The following PLCL2 variants were observed in gnomAD, a reference collection of about 807,000 sequenced individuals.
The protein encoded by PLCL2 is phospholipase C like 2, also known as inactive phospholipase C-like protein 2.
PLCL2 carries 4 observed loss-of-function variants against 79.6 expected under a neutral mutation model. That is an observed-to-expected ratio of 0.05 (90% CI 0.02 to 0.11). The LOEUF (loss-of-function observed/expected upper bound fraction) is 0.11. Among genes scored for constraint, PLCL2 ranks in the 10% least tolerant of loss-of-function variants. PLCL2 has a pLI of 1.00. For missense variants in PLCL2, 895 were observed against 1,291.0 expected, an observed-to-expected ratio of 0.69 and a Z score of 4.70; for synonymous variants, 484 against 457.7, an observed-to-expected ratio of 1.06 and a Z score of -0.73.
chr3:17,057,351 G>C lies in PLCL2; in HGVS notation c.3095-10605G>C, dbSNP rs554732410. Among the ~76,000 whole-genome samples, 18 of 152,274 alleles carry C rather than the reference G, an allele frequency of 1.2e-4. No homozygotes were observed. The East Asian group carries it at 3.5e-3, about 29-fold the overall frequency. ...AGTGTCTTAAAGACTTCGGGAAACT[G>C]TTACAAGCAGTGAGGTCACTAGATA... On this transcript the variant is annotated intron_variant, in intron 4 of 5. Coordinates refer to ENST00000615277, the MANE Select transcript of PLCL2 (RefSeq NM_001144382.2).
intron 1 of PLCL2, among the ~76,000 whole-genome samples, chr3:16,928,296 A>G (rs1165010049): frequency 6.6e-6 from 1 of 152,214 alleles, no homozygotes; most frequent in Non-Finnish European, 1.5e-5. Context: ...AGCTGAGTCC[A>G]TGTTGTACAT....
intron 1 of PLCL2, among the ~76,000 whole-genome samples, chr3:16,913,328 G>A (rs1169006414): frequency 2.0e-5 from 3 of 151,056 alleles, no homozygotes; most frequent in Admixed American, 6.6e-5. Context: ...TTACCCATTC[G>A]CTGGAAATTT....
At chr3:17,017,216 A>G (rs941288032) in intron 3 of PLCL2, among the ~76,000 whole-genome samples, 2 of 152,110 alleles carry the variant, frequency 1.3e-5, no homozygotes, top group African/African-American at 2.4e-5. Context: ...TTATGTTGTT[A>G]TAGATTTGGC....
intron 1 of PLCL2, among the ~76,000 whole-genome samples, chr3:16,944,616 G>A (rs1272699257): frequency 9.9e-5 from 15 of 152,216 alleles, no homozygotes. Context: ...AGAGGAGATG[G>A]CCATTGGCAA....
intron 4 of PLCL2, among the ~76,000 whole-genome samples, chr3:17,054,944 T>A (rs2064878467): frequency 6.6e-6 from 1 of 152,198 alleles, no homozygotes; most frequent in African/African-American, 2.4e-5. Context: ...ATTTTCCTTC[T>A]TCTAAGTGGC....
intron 1 of PLCL2, among the ~76,000 whole-genome samples, chr3:16,934,597 G>A (rs907361962): frequency 6.6e-6 from 1 of 152,192 alleles, no homozygotes; most frequent in South Asian, 2.1e-4. Flanking sequence ...TTTATCAGGA[G>A]TGGGAGGTTA....
chr3:16,898,130 C>T lies in PLCL2; in HGVS notation c.327+12764C>T, dbSNP rs115287968. 5.0e-3 allele frequency among the ~76,000 whole-genome samples: 765 copies of T among 152,266 alleles called. 9 individuals are homozygous for T. Among genetic ancestry groups the T allele is most frequent in the African/African-American group, 0.018 (729 of 41,530 alleles). On this transcript the variant is annotated intron_variant, in intron 1 of 5. Coordinates refer to ENST00000615277, the MANE Select transcript of PLCL2 (RefSeq NM_001144382.2). Reference sequence around the variant, plus strand: ...TCCTTGGAGACCCCTGTTTAGAGGCCGGAGAGGCACCAACAGTTTGGCAGC... The same window carrying T: ...TCCTTGGAGACCCCTGTTTAGAGGCTGGAGAGGCACCAACAGTTTGGCAGC...
rs543336822 is a variant in PLCL2, at chr3:16,933,249, C to G, written c.327+47883C>G. On this transcript the variant is annotated intron_variant, in intron 1 of 5. Coordinates refer to ENST00000615277, the MANE Select transcript of PLCL2 (RefSeq NM_001144382.2). ...CTCCATCACCGGGCAGGGAAGACAC[C>G]GCTGCCACCTCTCCACAGCCTTGTT... The G allele has an allele frequency of 6.5e-5, 10 of 154,802 alleles. 1 individual carries two copies. Among genetic ancestry groups the G allele is most frequent in the Non-Finnish European group, 1.5e-4 (10 of 68,226 alleles). The allele number at this position is 154,802 out of a possible 1,614,324, so 9.6% of individuals were successfully genotyped here.
chr3:17,053,042 G>A (rs546091953), intron 4 of PLCL2, among the ~76,000 whole-genome samples: 1 of 152,032 alleles, frequency 6.6e-6, no homozygotes, highest in Non-Finnish European at 1.5e-5. Context: ...GTTGTTGAAG[G>A]GTCAATTATA....
rs140007156 is a variant in PLCL2 at position 16,982,959 on chromosome 3, A to G, written c.328-26715A>G. Among the ~76,000 whole-genome samples the G allele has an allele frequency of 8.6e-3, 1,311 of 152,304 alleles. 69 individuals are homozygous for G. Among genetic ancestry groups the G allele is most frequent in the Admixed American group, 0.07 (1,076 of 15,298 alleles). On this transcript the variant is annotated intron_variant, in intron 1 of 5. Coordinates refer to ENST00000615277, the MANE Select transcript of PLCL2 (RefSeq NM_001144382.2). ...ATTTCTGTATTTTATGTAAATACTA[A>G]TCTGTTATCTACCATTAGTGGGCTT... is the stretch of plus-strand genomic sequence containing the variant.
At chr3:17,034,569 T>A (rs1465456334) in intron 3 of PLCL2, among the ~76,000 whole-genome samples, 1 of 152,218 alleles carries the variant, frequency 6.6e-6, no homozygotes, top group Non-Finnish European at 1.5e-5. Flanking sequence ...CTGTCACGAA[T>A]TCACCACAAA....
chr3:17,019,054 T>C (rs1212729189), intron 3 of PLCL2, among the ~76,000 whole-genome samples: 1 of 152,212 alleles, frequency 6.6e-6, no homozygotes, highest in Non-Finnish European at 1.5e-5. Flanking sequence ...ATAAATGAAT[T>C]ATTTGAATCT....
At chr3:17,019,141 G>T (rs1472668054) in intron 3 of PLCL2, among the ~76,000 whole-genome samples, 1 of 152,210 alleles carries the variant, frequency 6.6e-6, no homozygotes, top group Non-Finnish European at 1.5e-5. Context: ...AACTAGACCT[G>T]TAAGAATGAG....
chr3:17,050,861 C>T (rs2064832152), intron 4 of PLCL2, among the ~76,000 whole-genome samples: 1 of 152,166 alleles, frequency 6.6e-6, no homozygotes, highest in Non-Finnish European at 1.5e-5. Context: ...TTTTTTGCAG[C>T]ATTGTTCACA....
chr3:16,898,123 T>C (rs1307549691), intron 1 of PLCL2, among the ~76,000 whole-genome samples: 1 of 152,214 alleles, frequency 6.6e-6, no homozygotes, highest in Non-Finnish European at 1.5e-5. Flanking sequence ...GACCCCTGTT[T>C]AGAGGCCGGA....
chr3:17,002,301 T>C (rs1182022876), intron 1 of PLCL2, among the ~76,000 whole-genome samples: 3 of 152,112 alleles, frequency 2.0e-5, no homozygotes, highest in Non-Finnish European at 1.5e-5. Flanking sequence ...GATCATGTCA[T>C]CTACAAACAA....
intron 1 of PLCL2, among the ~76,000 whole-genome samples, chr3:16,888,690 C>T (rs1038183902): frequency 6.6e-6 from 1 of 152,134 alleles, no homozygotes; most frequent in African/African-American, 2.4e-5. Context: ...CAGATGGCAT[C>T]CCTTATTTGC....
intron 1 of PLCL2, among the ~76,000 whole-genome samples, chr3:16,974,709 A>G (rs1004672222): frequency 1.3e-5 from 2 of 152,130 alleles, no homozygotes; most frequent in Non-Finnish European, 2.9e-5. Context: ...GCCACCATTA[A>G]TGGTTTCTGT....
At chr3:17,026,207 G>A (rs1391791615) in intron 3 of PLCL2, among the ~76,000 whole-genome samples, 1 of 152,054 alleles carries the variant, frequency 6.6e-6, no homozygotes, top group Admixed American at 6.6e-5. Flanking sequence ...CTTAATTAGG[G>A]CATTTAAAAT....
Sources: gnomAD v4.1 joint callset for allele counts (sites outside exome capture counted in the v4.1 genomes callset) on GRCh38, gnomAD v4.1.1 for gene constraint, MANE v1.5 for transcripts, NCBI Gene and HGNC (gene_info 2026-07-23, HGNC 2026-07-21) for gene names.